The following RAB38 variants were observed in gnomAD, a reference collection of about 807,000 sequenced individuals.
RAB38 encodes the protein ras-related protein Rab-38.
In RAB38, 15 loss-of-function variants were observed where a neutral mutation model predicts 18.4. The ratio of observed to expected loss-of-function variants is 0.82; its 90% CI spans 0.55 to 1.26. The LOEUF is 1.26. Ranked by LOEUF, RAB38 falls within the 50% of genes most tolerant of loss-of-function variation. RAB38 has a pLI of 0.00. For missense variants in RAB38, 294 were observed against 267.4 expected, an observed-to-expected ratio of 1.10 and a Z score of -0.69; for synonymous variants, 101 against 104.4, an observed-to-expected ratio of 0.97 and a Z score of 0.20.
At chr11:87,976,008 C>A in the RAB38 span, among the ~76,000 whole-genome samples, 1 of 150,940 alleles carries the variant, frequency 6.6e-6, no homozygotes, top group Non-Finnish European at 1.5e-5. Context: ...ATACTAAAGT[C>A]AACACAAAAC....
intron 1 of RAB38, among the ~76,000 whole-genome samples, chr11:88,160,016 G>T (rs376454255): frequency 1.9e-4 from 29 of 152,128 alleles, no homozygotes; most frequent in African/African-American, 6.5e-4. Context: ...CACAGCAAAA[G>T]AAATTATCAA....
chr11:87,829,950 A>G, the RAB38 span, among the ~76,000 whole-genome samples: 1 of 152,148 alleles, frequency 6.6e-6, no homozygotes, highest in East Asian at 1.9e-4. Context: ...TCTATATACA[A>G]TGGAATAATT....
chr11:88,058,998 A>G, the RAB38 span, among the ~76,000 whole-genome samples: 1 of 152,152 alleles, frequency 6.6e-6, no homozygotes, highest in African/African-American at 2.4e-5. Flanking sequence ...GCTCCAAGGG[A>G]TTCCCTAAGA....
At chr11:87,958,687 A>C in the RAB38 span, among the ~76,000 whole-genome samples, 151,489 of 152,230 alleles carry the variant, frequency 1, 75,377 homozygotes, top group Middle Eastern at 1. Context: ...AGAAAACTGA[A>C]AAGTATCAAA....
At chr11:87,971,520 C>A in the RAB38 span, among the ~76,000 whole-genome samples, 1 of 152,114 alleles carries the variant, frequency 6.6e-6, no homozygotes, top group East Asian at 1.9e-4. Context: ...TCCCGTCACA[C>A]CTGTTCACTT....
At chr11:87,862,501 C>CCTTT in the RAB38 span, among the ~76,000 whole-genome samples, 1 of 151,664 alleles carries the variant, frequency 6.6e-6, no homozygotes, top group South Asian at 2.1e-4. Flanking sequence ...CACACTGGGG[C>CCTTT]CTATCAGAGG....
chr11:87,870,722 C>A, the RAB38 span, among the ~76,000 whole-genome samples: 3 of 151,424 alleles, frequency 2.0e-5, no homozygotes, highest in Non-Finnish European at 4.4e-5. Context: ...TCTGCCCAAG[C>A]GAATTTTTAA....
chr11:88,130,072 T>C (rs1942748401), intron 2 of RAB38, among the ~76,000 whole-genome samples: 1 of 151,904 alleles, frequency 6.6e-6, no homozygotes, highest in Admixed American at 6.6e-5. Flanking sequence ...AATAGAAATA[T>C]CTAAGAATGA....
the RAB38 span, among the ~76,000 whole-genome samples, chr11:88,047,236 G>A: frequency 3.3e-5 from 5 of 152,076 alleles, no homozygotes; most frequent in South Asian, 4.2e-4. Flanking sequence ...TTCCTGGCCT[G>A]GACTTCAATC....
At chr11:88,110,529 A>G (rs149907813), downstream of RAB38, among the ~76,000 whole-genome samples, 9 of 152,216 alleles carry the variant, frequency 5.9e-5, no homozygotes, top group East Asian at 1.7e-3. Flanking sequence ...AAAAATAATA[A>G]TAATAAAGGC....
chr11:87,921,765 T>G, the RAB38 span, among the ~76,000 whole-genome samples: 1 of 151,808 alleles, frequency 6.6e-6, no homozygotes, highest in African/African-American at 2.4e-5. Context: ...AATGAATAAC[T>G]GAGTAAAAAT....
chr11:88,053,607 G>A, the RAB38 span, among the ~76,000 whole-genome samples: 2 of 151,320 alleles, frequency 1.3e-5, no homozygotes, highest in African/African-American at 2.4e-5. Context: ...AAAACCAATA[G>A]GAGCTTCTCT....
At chr11:87,873,922 G>GTATGTATA in the RAB38 span, among the ~76,000 whole-genome samples, 26 of 103,120 alleles carry the variant, frequency 2.5e-4, 1 homozygote, top group African/African-American at 7.2e-4. Context: ...GTGTGTGTGT[G>GTATGTATA]TATATATATA....
At chr11:88,105,165 C>T in the RAB38 span, among the ~76,000 whole-genome samples, 1 of 152,020 alleles carries the variant, frequency 6.6e-6, no homozygotes, top group Non-Finnish European at 1.5e-5. Flanking sequence ...TATACACCTT[C>T]CTCTATTACA....
the RAB38 span, among the ~76,000 whole-genome samples, chr11:88,098,327 C>T: frequency 1.3e-5 from 2 of 151,952 alleles, no homozygotes; most frequent in Non-Finnish European, 2.9e-5. Context: ...GCAAGTAACT[C>T]AACCTCTCTA....
chr11:88,127,268 A>T (rs1253227908), intron 2 of RAB38, among the ~76,000 whole-genome samples: 1 of 152,222 alleles, frequency 6.6e-6, no homozygotes, highest in Non-Finnish European at 1.5e-5. Flanking sequence ...AACTGGGAGC[A>T]GAGGGGAAAG....
the RAB38 span, among the ~76,000 whole-genome samples, chr11:87,907,185 C>A: frequency 6.6e-6 from 1 of 151,886 alleles, no homozygotes; most frequent in African/African-American, 2.4e-5. Context: ...ACAAACAACA[C>A]TGATTTCTTA....
chr11:87,900,582 C>A, the RAB38 span, among the ~76,000 whole-genome samples: 1 of 151,536 alleles, frequency 6.6e-6, no homozygotes, highest in Non-Finnish European at 1.5e-5. Flanking sequence ...GACACACCAA[C>A]TGGAACTCAA....
the RAB38 span, among the ~76,000 whole-genome samples, chr11:87,870,173 A>C: frequency 6.6e-6 from 1 of 151,672 alleles, no homozygotes; most frequent in East Asian, 1.9e-4. Flanking sequence ...TTTATTATTC[A>C]CATGCTCACA....
Sources: allele counts gnomAD v4.1 joint callset (sites outside exome capture counted in the v4.1 genomes callset), GRCh38; gene constraint gnomAD v4.1.1; transcripts MANE v1.5; gene names NCBI Gene and HGNC (gene_info 2026-07-23, HGNC 2026-07-21).